ULK4: variants seen among roughly 807,000 people sequenced by gnomAD.
ULK4 encodes inactive serine/threonine-protein kinase ULK4.
ULK4 carries 133 observed loss-of-function variants against 160.6 expected under a neutral mutation model. The ratio of observed to expected loss-of-function variants is 0.83; its 90% CI spans 0.72 to 0.96. The LOEUF is 0.96. Among genes scored for constraint, ULK4 ranks in the 40% least tolerant of loss-of-function variants. The pLI is 0.00. For missense variants in ULK4, 1,580 were observed against 1,499.5 expected, an observed-to-expected ratio of 1.05 and a Z score of -0.89; for synonymous variants, 534 against 539.8, an observed-to-expected ratio of 0.99 and a Z score of 0.15.
intron 35 of ULK4, among the ~76,000 whole-genome samples, chr3:41,294,588 G>T (rs2079633246): frequency 6.6e-6 from 1 of 152,066 alleles, no homozygotes. Context: ...TGTGACTTCT[G>T]GTCAAAATGG....
At chr3:41,806,083 G>A (rs2125613053) in intron 19 of ULK4, among the ~76,000 whole-genome samples, 1 of 145,992 alleles carries the variant, frequency 6.8e-6, no homozygotes, top group Admixed American at 6.8e-5. Flanking sequence ...TTGTACCTCT[G>A]GTAGAATTCG....
At chr3:41,369,471 G>A (rs2081318398) in intron 35 of ULK4, among the ~76,000 whole-genome samples, 2 of 148,414 alleles carry the variant, frequency 1.3e-5, no homozygotes, top group South Asian at 4.3e-4. Flanking sequence ...TCTAGTCTGG[G>A]CAAATGGAGT....
At chr3:41,373,344 G>T (rs1475885005) in intron 35 of ULK4, among the ~76,000 whole-genome samples, 1 of 152,136 alleles carries the variant, frequency 6.6e-6, no homozygotes, top group Non-Finnish European at 1.5e-5. Context: ...ACTCTTCTCA[G>T]CACCACAAAG....
chr3:41,666,970 C>T (rs1012311871), intron 29 of ULK4, among the ~76,000 whole-genome samples: 1 of 151,792 alleles, frequency 6.6e-6, no homozygotes, highest in Non-Finnish European at 1.5e-5. Context: ...TCGTGAGACC[C>T]TGTCTATAAA....
At chr3:41,954,471 C>T in intron 2 of ULK4, 151 bp downstream of exon 2, 1 of 738,770 alleles carries the variant, frequency 1.4e-6, no homozygotes, top group South Asian at 2.3e-5. Context: ...TTATTCAGGA[C>T]TGGTGGCACT....
chr3:41,384,517 C>T (rs1467437156), intron 35 of ULK4, among the ~76,000 whole-genome samples: 2 of 152,092 alleles, frequency 1.3e-5, no homozygotes, highest in Non-Finnish European at 2.9e-5. Flanking sequence ...TAGGGAAATC[C>T]TGTTTCTATT....
At chr3:41,397,671 C>A (rs2082090618) in intron 35 of ULK4, among the ~76,000 whole-genome samples, 1 of 152,068 alleles carries the variant, frequency 6.6e-6, no homozygotes, top group Non-Finnish European at 1.5e-5. Flanking sequence ...CTGTATCCTA[C>A]ACCAGAAAAA....
At chr3:41,422,737 A>G (rs2082689372) in intron 34 of ULK4, among the ~76,000 whole-genome samples, 1 of 152,188 alleles carries the variant, frequency 6.6e-6, no homozygotes, top group Admixed American at 6.5e-5. Flanking sequence ...ACACTGTTTA[A>G]TTAGAGTATA....
chr3:41,500,126 A>G (rs2085141642), intron 32 of ULK4, among the ~76,000 whole-genome samples: 1 of 151,830 alleles, frequency 6.6e-6, no homozygotes, highest in Admixed American at 6.6e-5. Context: ...TCAAAGATCT[A>G]TCAGTTGGCT....
intron 5 of ULK4, among the ~76,000 whole-genome samples, chr3:41,929,850 A>T (rs1699526648): frequency 6.6e-6 from 1 of 152,148 alleles, no homozygotes; most frequent in Non-Finnish European, 1.5e-5. Flanking sequence ...ACACAAACAA[A>T]TGGAAAAAAA....
rs938180519 is a variant in ULK4 at position 41,398,406 on chromosome 3, C to T, written c.3493-142G>A. 7.9e-6 allele frequency: 6 copies of T among 758,144 alleles called. No individual in the cohort carries two copies. In the East Asian group the frequency reaches 1.4e-4, roughly 18 times the overall value. 47.0% of individuals were successfully genotyped at this position (758,144 alleles called of 1,614,324 possible). On this transcript the variant is annotated intron_variant, in intron 34 of 36. Transcript: ENST00000301831. Reference sequence around the variant, plus strand: ...TTTTTTACTTTTTTTTTTTTTGAGACAGGGTCCCACTCTGTTGCCCAGGCT... The same window carrying T: ...TTTTTTACTTTTTTTTTTTTTGAGATAGGGTCCCACTCTGTTGCCCAGGCT...
intron 30 of ULK4, among the ~76,000 whole-genome samples, chr3:41,625,132 T>C (rs2033438940): frequency 6.6e-6 from 1 of 152,118 alleles, no homozygotes; most frequent in Admixed American, 6.5e-5. Context: ...AAGTGGACAA[T>C]GAGATTAGTT....
chr3:41,649,134 A>C (rs2034632673), intron 30 of ULK4, among the ~76,000 whole-genome samples: 1 of 143,794 alleles, frequency 7.0e-6, no homozygotes, highest in South Asian at 2.2e-4. Flanking sequence ...TATCCAAAAC[A>C]AAAAAAAAAA....
At chr3:41,470,018 GA>G (rs71094650) in intron 32 of ULK4, among the ~76,000 whole-genome samples, 2,407 of 45,856 alleles carry the variant, frequency 0.052, 39 homozygotes, top group East Asian at 0.21. Context: ...AAACAGAACA[GA>G]AAAAAAAAAA....
chr3:41,944,964 A>G (rs951700883), intron 2 of ULK4, among the ~76,000 whole-genome samples: 1 of 152,244 alleles, frequency 6.6e-6, no homozygotes, highest in Non-Finnish European at 1.5e-5. Context: ...TACAGAGAAC[A>G]GAATATATTC....
rs912835417 is a variant in ULK4 at position 41,592,189 on chromosome 3, T to G, written c.3120+23480A>C. 2.6e-5 allele frequency among the ~76,000 whole-genome samples: 4 copies of G among 152,146 alleles called. No individual in the cohort carries two copies. The East Asian group carries it at 7.7e-4, about 29-fold the overall frequency. The stretch of plus-strand genomic sequence containing the variant: ...TCCACCCTTGAACACACACCCTCAC[T>G]GGGGAACCTGAAGGTCTAAATCACA... On this transcript the variant is annotated intron_variant, in intron 31 of 36. Transcript: ENST00000301831.
chr3:41,342,641 G>A (rs969498193), intron 35 of ULK4, among the ~76,000 whole-genome samples: 1 of 152,162 alleles, frequency 6.6e-6, no homozygotes, highest in Non-Finnish European at 1.5e-5. Flanking sequence ...CCAAAAAATT[G>A]AAAAGGACAG....
chr3:41,270,999 T>C (rs2079128504), intron 35 of ULK4, among the ~76,000 whole-genome samples: 1 of 152,258 alleles, frequency 6.6e-6, no homozygotes, highest in African/African-American at 2.4e-5. Context: ...GTGTTTTCTA[T>C]ATTTTTCTAT....
chr3:41,605,023 T>C (rs2032305535), intron 31 of ULK4, among the ~76,000 whole-genome samples: 1 of 152,110 alleles, frequency 6.6e-6, no homozygotes, highest in South Asian at 2.1e-4. Flanking sequence ...TGATCCTTTA[T>C]GTTCAATGAT....
Sources: gnomAD v4.1 joint callset for allele counts (sites outside exome capture counted in the v4.1 genomes callset) on GRCh38, gnomAD v4.1.1 for gene constraint, MANE v1.5 for transcripts, NCBI Gene and HGNC (gene_info 2026-07-23, HGNC 2026-07-21) for gene names.